The following HTT variants were observed in gnomAD, a reference collection of about 807,000 sequenced individuals.
HTT encodes the protein huntingtin.
HTT carries 104 observed loss-of-function variants against 362.3 expected under a neutral mutation model. The observed-to-expected ratio is 0.29, with a 90% CI of 0.24 to 0.34. The LOEUF is 0.34. HTT is among the 10% of genes least tolerant of loss of function. The pLI, the probability that HTT is intolerant of heterozygous loss-of-function variation, is 1.00. For missense variants in HTT, 3,301 were observed against 3,928.6 expected, an observed-to-expected ratio of 0.84 and a Z score of 4.27; for synonymous variants, 1,577 against 1,548.7, an observed-to-expected ratio of 1.02 and a Z score of -0.43.
At chr4:3,186,839 T>G in intron 38 of HTT, 120 bp downstream of exon 38, 1 of 105,838 alleles carries the variant, frequency 9.4e-6, no homozygotes, top group Non-Finnish European at 1.7e-5. Flanking sequence ...GAGAGTTTGC[T>G]TTTTTTTTTT....
intron 19 of HTT, among the ~76,000 whole-genome samples, chr4:3,135,447 T>G (rs939679493): frequency 6.6e-5 from 7 of 105,570 alleles, no homozygotes; most frequent in African/African-American, 1.8e-4. Context: ...TTAGGGTTTG[T>G]TTTTTTTTTT....
At chr4:3,098,199 CT>C (rs1313757420) in intron 2 of HTT, among the ~76,000 whole-genome samples, 1 of 152,190 alleles carries the variant, frequency 6.6e-6, no homozygotes, top group African/African-American at 2.4e-5. Context: ...TTATTCATGG[CT>C]GTCTGTATTC....
rs1712369813 is a variant in HTT, at chr4:3,074,713, T to G, written c.-113T>G. 1 of 1,154,756 alleles carries G rather than the reference T, an allele frequency of 8.7e-7. No individual in the cohort carries two copies. Among genetic ancestry groups the G allele is most frequent in the Non-Finnish European group, 1.2e-6 (1 of 858,470 alleles). The allele number at this position is 1,154,756 out of a possible 1,614,324, so 71.5% of individuals were successfully genotyped here. On this transcript the variant is annotated 5_prime_UTR_variant, in exon 1 of 67. Coordinates refer to ENST00000355072, the MANE Select transcript of HTT (RefSeq NM_001388492.1). Reference sequence around the variant, plus strand: ...GGACGGGTCCAAGATGGACGGCCGCTCAGGTTCTGCTTTTACCTGCGGCCC... The same window carrying G: ...GGACGGGTCCAAGATGGACGGCCGCGCAGGTTCTGCTTTTACCTGCGGCCC...
At chr4:3,124,622 T>G (rs1256555519) in intron 10 of HTT, among the ~76,000 whole-genome samples, 2 of 152,210 alleles carry the variant, frequency 1.3e-5, no homozygotes, top group African/African-American at 2.4e-5. Context: ...TAGAGATGGC[T>G]TTTGTTAAGA....
rs748290007 is a variant in HTT, at chr4:3,107,360, G to C, written c.684G>C (p.Leu228Phe). ...CCGAAGAATCAGTCCAGGAGACCTT[G>C]GCTGCAGCTGTTCCCAAAATTATGG... ...KRPEESVQET[L>F]AAAVPKIMAS... Residue 228 changes from leucine (L) to phenylalanine (F), a missense_variant, in exon 6 of 67, where the codon TTG becomes TTC. By Grantham distance (22) the Leu-to-Phe change is conservative (BLOSUM62 0). Coordinates refer to ENST00000355072, the MANE Select transcript of HTT (RefSeq NM_001388492.1). 3 of 1,614,208 alleles carry C rather than the reference G, an allele frequency of 1.9e-6. No homozygotes were observed. The East Asian group carries it at 6.7e-5, about 36-fold the overall frequency.
At chr4:3,136,917 A>ATTTTTTTTTTTTTTTT in intron 21 of HTT, among the ~76,000 whole-genome samples, 1 of 147,358 alleles carries the variant, frequency 6.8e-6, no homozygotes, top group Non-Finnish European at 1.5e-5. Context: ...CCGGCTTTGA[A>ATTTTTTTTTTTTTTTT]TTTTTTTTTT....
At chr4:3,210,155 G>A (rs1720083985) in intron 47 of HTT, among the ~76,000 whole-genome samples, 1 of 152,152 alleles carries the variant, frequency 6.6e-6, no homozygotes, top group African/African-American at 2.4e-5. Context: ...GGGACATGGG[G>A]GTTATGCTGA....
chr4:3,177,415 T>C, intron 34 of HTT, 28 bp downstream of exon 34: 1 of 1,472,538 alleles, frequency 6.8e-7, no homozygotes, highest in Non-Finnish European at 9.3e-7. Flanking sequence ...TTTTAGATTT[T>C]TTTCTTCTTC....
chr4:3,185,687 C>A (rs865961824), intron 37 of HTT, among the ~76,000 whole-genome samples: 2 of 152,130 alleles, frequency 1.3e-5, no homozygotes, highest in African/African-American at 4.8e-5. Flanking sequence ...CCAAGGCAGG[C>A]AGATTGCTTG....
intron 37 of HTT, among the ~76,000 whole-genome samples, chr4:3,185,846 C>T (rs780873517): frequency 6.6e-5 from 10 of 151,784 alleles, no homozygotes; most frequent in Non-Finnish European, 7.4e-5. Context: ...CCCATTCGTG[C>T]GCCACTGCAC....
chr4:3,127,619 G>T lies in HTT; in HGVS notation c.1743+15G>T, dbSNP rs150583882. 22,362 of 1,557,210 alleles carry T rather than the reference G, an allele frequency of 0.014. 210 individuals carry two copies. Among genetic ancestry groups the T allele is most frequent in the Non-Finnish European group, 0.017 (19,339 of 1,138,278 alleles). ...GTTCTGAAATTGTAAGTGGGCAGAG[G>T]GGCCTGACATCTTTTTTTTTATTTT... On this transcript the variant is annotated intron_variant, in intron 12 of 66. Transcript: ENST00000355072.
At chr4:3,160,879 CTT>C (rs1311182764) in intron 29 of HTT, among the ~76,000 whole-genome samples, 1 of 151,936 alleles carries the variant, frequency 6.6e-6, no homozygotes, top group African/African-American at 2.4e-5. Context: ...CGTAGATTTT[CTT>C]TTTCTTTTTT....
chr4:3,213,161 A>G (rs575113993), intron 49 of HTT: 1 of 164,726 alleles, frequency 6.1e-6, no homozygotes, highest in East Asian at 1.7e-4. Context: ...TGCCCTCAGC[A>G]AGGACACACT....
At chr4:3,238,726 T>A in intron 65 of HTT, 92 bp from the exon 66 acceptor site, 1 of 1,318,646 alleles carries the variant, frequency 7.6e-7, no homozygotes, top group East Asian at 2.4e-5. Context: ...CAGCAATGCC[T>A]CTGGCCCCCA....
chr4:3,228,683 A>AGAG lies in HTT; in HGVS notation c.7928_7930dup (p.Glu2643dup), dbSNP rs149109767. The stretch of plus-strand genomic sequence containing the variant: ...TGAGGGAGGAGGAATGGGACGAGGA[A>AGAG]GAGGAGGAGGAGGCCGACGCCCCTG... On this transcript the variant is annotated inframe_insertion, in exon 58 of 67. Transcript: ENST00000355072. This position sits in a 1 kb window ranked among gnomAD's most constrained non-coding sequence, Gnocchi z 4.3. 6.2e-7 allele frequency: 1 copy of AGAG among 1,610,530 alleles called. No homozygotes were observed. The highest frequency in any genetic ancestry group is 8.5e-7 in the Non-Finnish European group (1 of 1,177,922).
At chr4:3,233,983 G>A (rs1194911962) in intron 61 of HTT, among the ~76,000 whole-genome samples, 1 of 152,258 alleles carries the variant, frequency 6.6e-6, no homozygotes, top group African/African-American at 2.4e-5. Context: ...CTGCACACGG[G>A]AGCTGTCTTT....
chr4:3,173,865 G>A (rs1265424709), intron 31 of HTT, among the ~76,000 whole-genome samples: 1 of 151,978 alleles, frequency 6.6e-6, no homozygotes, highest in Non-Finnish European at 1.5e-5. Context: ...TAGAGACGGG[G>A]TTTCACCATG....
Position 3,206,268 on chromosome 4 carries a change from C to T in HTT, c.5719-228C>T, listed in dbSNP as rs779484486. On this transcript the variant is annotated intron_variant, in intron 42 of 66. Transcript: ENST00000355072. This position sits in a 1 kb window ranked among gnomAD's most constrained non-coding sequence, Gnocchi z 4.6. ...TGCTGTACCCTACTTCCCCAGGGGG[C>T]CTAACTTCACACAGCCTCTGCCGCA... Among the ~76,000 whole-genome samples, 1 of 151,132 alleles carries T rather than the reference C, an allele frequency of 6.6e-6. No individual in the cohort carries two copies. Among genetic ancestry groups the T allele is most frequent in the Non-Finnish European group, 1.5e-5 (1 of 67,390 alleles).
intron 51 of HTT, among the ~76,000 whole-genome samples, chr4:3,215,748 C>G (rs1475717565): frequency 2.6e-5 from 4 of 152,048 alleles, no homozygotes; most frequent in Non-Finnish European, 1.5e-5. Flanking sequence ...GTGATTTAAG[C>G]CAGTTATAGA....
Sources: gnomAD v4.1 joint callset for allele counts (sites outside exome capture counted in the v4.1 genomes callset) on GRCh38, gnomAD v4.1.1 for gene constraint, Gnocchi (gnomAD v3.1) non-coding constraint, MANE v1.5 for transcripts, NCBI Gene and HGNC (gene_info 2026-07-23, HGNC 2026-07-21) for gene names.